HK3: variants seen among roughly 807,000 people sequenced by gnomAD.
HK3 encodes hexokinase 3.
A neutral mutation model predicts 91.0 loss-of-function variants in HK3; 93 were observed. That is an observed-to-expected ratio of 1.02 (90% CI 0.86 to 1.21). The LOEUF (loss-of-function observed/expected upper bound fraction) is 1.21, where lower values mean the gene tolerates loss of function less well. Ranked by LOEUF, HK3 falls within the 50% of genes most tolerant of loss-of-function variation. The pLI, the probability that HK3 is intolerant of heterozygous loss-of-function variation, is 0.00. For missense variants in HK3, 1,235 were observed against 1,247.4 expected (o/e 0.99, Z 0.15); for synonymous variants, 519 against 516.9 (o/e 1.00, Z -0.06).
intron 6 of HK3, 141 bp from the exon 7 acceptor site, chr5:176,889,885 T>G (rs888726723): frequency 2.9e-6 from 2 of 684,416 alleles, no homozygotes; most frequent in African/African-American, 3.5e-5. Flanking sequence ...CACACACATT[T>G]GTGCCACAGA....
rs1180644542 is a variant in HK3, at chr5:176,888,476, A to G, written c.1160T>C (p.Val387Ala). The change falls in exon 10 of 19, where the codon GTC becomes GCC. Residue 387 changes from valine (V) to alanine (A), a missense_variant. Val to Ala is a moderately conservative substitution (Grantham distance 64). Around this residue, in one of 3 missense-constraint regions of HK3, gnomAD observed 717 missense variants for 751.6 expected, o/e 0.95. Transcript: ENST00000292432. Reference protein sequence around the residue: ...GASDVELVQHVCAAVCTRAAQ... With the variant: ...GASDVELVQHACAAVCTRAAQ... The stretch of plus-strand genomic sequence containing the variant: ...AGCCCGCGTGCACACGGCCGCACAG[A>G]CGTGCTGCACAAGCTCAACATCCGA... 6.4e-7 allele frequency: 1 copy of G among 1,553,784 alleles called. No homozygotes were observed. Among genetic ancestry groups the G allele is most frequent in the South Asian group, 1.2e-5 (1 of 84,414 alleles).
rs151290459 is a variant in HK3 at position 176,893,160 on chromosome 5, G to A, written c.97-1610C>T. Among the ~76,000 whole-genome samples, 949 of 152,258 alleles carry A rather than the reference G, an allele frequency of 6.2e-3. 10 individuals carry two copies. The highest frequency in any genetic ancestry group is 0.022 in the African/African-American group (894 of 41,544). On this transcript the variant is annotated intron_variant, in intron 2 of 18. Coordinates refer to ENST00000292432, the MANE Select transcript of HK3 (RefSeq NM_002115.3). Reference sequence around the variant, plus strand: ...GCCCAAGTGTTAGAAATATGGAAACGGAGACTCCGAGAGGGCAAGTCATCT... The same window carrying A: ...GCCCAAGTGTTAGAAATATGGAAACAGAGACTCCGAGAGGGCAAGTCATCT...
At chr5:176,895,921 G>A in intron 2 of HK3, 143 bp downstream of exon 2, 2 of 699,556 alleles carry the variant, frequency 2.9e-6, no homozygotes, top group South Asian at 1.6e-5. Flanking sequence ...GAGCATGAAA[G>A]GAGATCGTTA....
chr5:176,881,260 C>G, intron 18 of HK3, 42 bp downstream of exon 18: 1 of 1,613,354 alleles, frequency 6.2e-7, no homozygotes. Flanking sequence ...ACCAGCCCCA[C>G]CTGGCCACAC....
rs1758439021 is a variant in HK3, at chr5:176,881,802, G to A, written c.2283C>T (p.Arg761=). Residue 761 remains arginine, a synonymous_variant, in exon 17 of 19, where the codon CGC becomes CGT. Coordinates refer to ENST00000292432, the MANE Select transcript of HK3 (RefSeq NM_002115.3). The stretch of plus-strand genomic sequence containing the variant: ...GGCTGGTTAAATGTAAAAGGATGTG[G>A]CGGACGATCTCCCCCAGGTACATGC... ...ISGMYLGEIV[R]HILLHLTSLG... 2 of 1,614,128 alleles carry A rather than the reference G, an allele frequency of 1.2e-6. No individual in the cohort carries two copies. Among genetic ancestry groups the A allele is most frequent in the South Asian group, 1.1e-5 (1 of 91,086 alleles).
intron 6 of HK3, 106 bp from the exon 7 acceptor site, chr5:176,889,850 G>T (rs753834326): frequency 1.2e-6 from 1 of 860,966 alleles, no homozygotes; most frequent in Non-Finnish European, 1.9e-6. Context: ...GATACATAGA[G>T]TCCATGAAAC....
chr5:176,891,232 A>T (rs201669274), intron 3 of HK3, 41 bp from the exon 4 acceptor site: 1 of 1,613,924 alleles, frequency 6.2e-7, no homozygotes, highest in East Asian at 2.2e-5. Flanking sequence ...GCAGCTGGCA[A>T]GACCAGAGCC....
At chr5:176,881,248 C>G in intron 18 of HK3, 31 bp from the exon 19 acceptor site, 1 of 1,613,150 alleles carries the variant, frequency 6.2e-7, no homozygotes, top group Non-Finnish European at 8.5e-7. Context: ...TGAGCCCAGG[C>G]CACCAGCCCC....
rs539463568 is a variant in HK3 at position 176,889,416 on chromosome 5, G to T, written c.879C>A (p.Thr293=). The stretch of plus-strand genomic sequence containing the variant: ...CAGGATTCAGGGACTCATGGTCCAG[G>T]GTATGGTCGAAGGTGGTCAGCACTG... ...LGPVLTTFDH[T]LDHESLNPGA... Residue 293 remains threonine (T), a synonymous_variant, in exon 8 of 19, where the codon ACC becomes ACA. Transcript: ENST00000292432. 3.1e-6 allele frequency: 5 copies of T among 1,614,160 alleles called. No individual in the cohort carries two copies. The South Asian group carries it at 5.5e-5, about 18-fold the overall frequency.
In HK3 at chr5:176,890,626, T is replaced by C. The variant is rs750203662; in HGVS notation, c.630+9A>G. ...GGGCAGCCCTCCTGTCACCCCTCCC[T>C]CCACTCACCCCCTGCCTCCGAATGG... On this transcript the variant is annotated intron_variant, in intron 6 of 18. Transcript: ENST00000292432. 1.2e-6 allele frequency: 2 copies of C among 1,613,080 alleles called. No individual in the cohort carries two copies. The highest frequency in any genetic ancestry group is 1.7e-6 in the Non-Finnish European group (2 of 1,179,208).
At chr5:176,891,713 A>T (rs1020587494) in intron 2 of HK3, among the ~76,000 whole-genome samples, 163 bp from the exon 3 acceptor site, 49 of 152,116 alleles carry the variant, frequency 3.2e-4, no homozygotes, top group African/African-American at 1.2e-3. Flanking sequence ...GCATCCTCAG[A>T]AGGCTCTGTC....
At chr5:176,892,369 G>C (rs1758800997) in intron 2 of HK3, among the ~76,000 whole-genome samples, 1 of 152,118 alleles carries the variant, frequency 6.6e-6, no homozygotes, top group Non-Finnish European at 1.5e-5. Flanking sequence ...AAGATCCAGG[G>C]GAAGAGCAAG....
chr5:176,891,326 C>A (rs781030973), intron 3 of HK3, 62 bp downstream of exon 3: 13 of 1,607,226 alleles, frequency 8.1e-6, no homozygotes, highest in Non-Finnish European at 1.1e-5. Context: ...AGGAACGTTT[C>A]CCTCCCCTAG....
At chr5:176,893,028 C>A (rs1758816680) in intron 2 of HK3, among the ~76,000 whole-genome samples, 1 of 152,214 alleles carries the variant, frequency 6.6e-6, no homozygotes, top group South Asian at 2.1e-4. Context: ...AAGCTGCAGA[C>A]CCTGTTTGCT....
At position 176,895,513 on chromosome 5, in the gene HK3, T is replaced by C. The variant is rs1758888904; in HGVS notation, c.96+551A>G. Among the ~76,000 whole-genome samples the C allele has an allele frequency of 2.0e-5, 3 of 152,126 alleles. No homozygotes were observed. In the South Asian group the frequency reaches 6.2e-4, roughly 32 times the overall value. On this transcript the variant is annotated intron_variant, in intron 2 of 18. Transcript: ENST00000292432. ...CACAAGAGTTTCCTGCTCAAGGGTG[T>C]GGTATGAGACAGCTTCTAAATCTTG...
chr5:176,897,996 G>T (rs937689505), intron 1 of HK3, among the ~76,000 whole-genome samples: 1 of 152,100 alleles, frequency 6.6e-6, no homozygotes, highest in Non-Finnish European at 1.5e-5. Flanking sequence ...TGGAGACATC[G>T]AAGTGTGCTC....
intron 9 of HK3, 64 bp from the exon 10 acceptor site, chr5:176,888,629 A>G: frequency 6.2e-7 from 1 of 1,610,756 alleles, no homozygotes. Flanking sequence ...CTAAAGCCCC[A>G]TGGCTACCTT....
intron 2 of HK3, among the ~76,000 whole-genome samples, chr5:176,892,089 AG>A (rs1758792845): frequency 1.3e-5 from 2 of 152,302 alleles, no homozygotes; most frequent in African/African-American, 4.8e-5. Flanking sequence ...ACATTGCTCC[AG>A]CCCTCACTAT....
intron 6 of HK3, among the ~76,000 whole-genome samples, chr5:176,890,374 G>T (rs1223785738): frequency 2.0e-5 from 3 of 152,218 alleles, no homozygotes; most frequent in Non-Finnish European, 4.4e-5. Flanking sequence ...ACCTTGAGGA[G>T]GAGGTCAAAG....
Sources: gnomAD v4.1 joint callset for allele counts (sites outside exome capture counted in the v4.1 genomes callset) on GRCh38, gnomAD v4.1.1 for gene constraint, gnomAD v4.1.1 regional missense constraint, MANE v1.5 for transcripts, NCBI Gene and HGNC (gene_info 2026-07-23, HGNC 2026-07-21) for gene names.